Variants in RPGRIP1 observed in about 807,000 individuals in gnomAD.
RPGRIP1 encodes X-linked retinitis pigmentosa GTPase regulator-interacting protein 1.
In RPGRIP1, 128 loss-of-function variants were observed where a neutral mutation model predicts 157.9. The observed-to-expected ratio is 0.81, with a 90% CI of 0.70 to 0.94. The LOEUF (loss-of-function observed/expected upper bound fraction) is 0.94, where lower values mean the gene tolerates loss of function less well. Ranked by LOEUF, RPGRIP1 falls within the 40% of genes least tolerant of loss-of-function variation. RPGRIP1 has a pLI of 0.00. For missense variants in RPGRIP1, 1,486 were observed against 1,545.8 expected (o/e 0.96, Z 0.65); for synonymous variants, 554 against 571.6 (o/e 0.97, Z 0.44).
At chr14:21,333,014 C>T (rs924561514) in intron 20 of RPGRIP1, among the ~76,000 whole-genome samples, 2 of 152,162 alleles carry the variant, frequency 1.3e-5, no homozygotes, top group Non-Finnish European at 2.9e-5. Context: ...GCAGGAGAAT[C>T]GCTTGAACCT....
intron 10 of RPGRIP1, among the ~76,000 whole-genome samples, chr14:21,315,033 A>T (rs955077831): frequency 2.0e-5 from 3 of 151,638 alleles, no homozygotes; most frequent in African/African-American, 7.3e-5. Context: ...CAAAAAAAAA[A>T]TTTGGCTGGG....
Position 21,345,103 on chromosome 14 carries a change from CT to C in RPGRIP1, c.3533-8del. 6.3e-7 allele frequency: 1 copy of C among 1,598,452 alleles called. No individual in the cohort carries two copies. The highest frequency in any genetic ancestry group is 8.6e-7 in the Non-Finnish European group (1 of 1,165,718). ...TGATTCTTTGCTTTTTTCTCTTACC[CT>C]TAATACAGTAATAGACCTGGACCCA... On this transcript the variant is annotated splice_polypyrimidine_tract_variant and intron_variant, in intron 22 of 24. Coordinates refer to ENST00000400017, the MANE Select transcript of RPGRIP1 (RefSeq NM_020366.4).
chr14:21,340,809 C>T lies in RPGRIP1; in HGVS notation c.3340-2227C>T, dbSNP rs182098276. ...AACAAGTTTCAAGAAACCAGGCTTA[C>T]TATTAACATTTGCCATGCATTCTCC... On this transcript the variant is annotated intron_variant, in intron 21 of 24. Transcript: ENST00000400017. Among the ~76,000 whole-genome samples, 3 of 152,282 alleles carry T rather than the reference C, an allele frequency of 2.0e-5. No homozygotes were observed. The East Asian group carries it at 5.8e-4, about 29-fold the overall frequency.
intron 3 of RPGRIP1, among the ~76,000 whole-genome samples, chr14:21,295,825 C>G (rs938014443): frequency 6.6e-6 from 1 of 152,110 alleles, no homozygotes; most frequent in African/African-American, 2.4e-5. Flanking sequence ...GGCTGGAGTG[C>G]AGTGGTGTGA....
intron 21 of RPGRIP1, among the ~76,000 whole-genome samples, chr14:21,335,279 C>T (rs1566357004): frequency 6.6e-6 from 1 of 152,220 alleles, no homozygotes; most frequent in South Asian, 2.1e-4. Flanking sequence ...TCCTTTGCCT[C>T]TTACTCCCAT....
At chr14:21,295,478 A>ATTT (rs11342361) in intron 3 of RPGRIP1, among the ~76,000 whole-genome samples, 4 of 116,516 alleles carry the variant, frequency 3.4e-5, no homozygotes, top group Admixed American at 9.0e-5. Context: ...TATTTTTGAG[A>ATTT]TTTTTTTTTT....
intron 2 of RPGRIP1, among the ~76,000 whole-genome samples, chr14:21,292,337 T>C (rs1447385969): frequency 6.6e-6 from 1 of 151,946 alleles, no homozygotes; most frequent in Non-Finnish European, 1.5e-5. Flanking sequence ...TTTTTCATTC[T>C]AAGCACCTCA....
chr14:21,302,458 C>T (rs1046884011), intron 4 of RPGRIP1, 30 bp from the exon 5 acceptor site: 22 of 1,342,790 alleles, frequency 1.6e-5, no homozygotes, highest in Non-Finnish European at 2.1e-5. Context: ...TACTGTTGCC[C>T]GAGTCTGCAT....
At chr14:21,323,059 A>T (rs1300624434) in intron 14 of RPGRIP1, among the ~76,000 whole-genome samples, 1 of 152,192 alleles carries the variant, frequency 6.6e-6, no homozygotes, top group Non-Finnish European at 1.5e-5. Flanking sequence ...ACTTGGAACC[A>T]CAGTTCAGGG....
chr14:21,330,491 A>AC lies in RPGRIP1; in HGVS notation c.3238+107dup, dbSNP rs1289513680. On this transcript the variant is annotated intron_variant, in intron 20 of 24. Coordinates refer to ENST00000400017, the MANE Select transcript of RPGRIP1 (RefSeq NM_020366.4). ...AGAGCAGCCTGGCCAACATGATGAA[A>AC]CCCGTCTCTACTAAAAATACAAAAA... 12 of 763,428 alleles carry AC rather than the reference A, an allele frequency of 1.6e-5. No homozygotes were observed. In the Admixed American group the frequency reaches 3.6e-4, roughly 23 times the overall value. The allele number at this position is 763,428 out of a possible 1,614,324, so 47.3% of individuals were successfully genotyped here.
At chr14:21,280,266 CAG>C (rs111981622) in intron 1 of RPGRIP1, among the ~76,000 whole-genome samples, 107 bp downstream of exon 1, 2,399 of 108,582 alleles carry the variant, frequency 0.022, 52 homozygotes, top group Middle Eastern at 0.091. Context: ...TTTTTTGAGA[CAG>C]AGTCTTACTC....
intron 2 of RPGRIP1, among the ~76,000 whole-genome samples, chr14:21,288,975 G>T (rs1175763918): frequency 2.0e-5 from 3 of 152,162 alleles, no homozygotes; most frequent in Admixed American, 1.3e-4. Flanking sequence ...CTAAGCAGAA[G>T]TGTTCAATTT....
At chr14:21,283,869 G>C (rs1312271154) in intron 1 of RPGRIP1, among the ~76,000 whole-genome samples, 2 of 152,078 alleles carry the variant, frequency 1.3e-5, no homozygotes, top group African/African-American at 4.8e-5. Flanking sequence ...GGCCGCAGGT[G>C]ATCCATCCGC....
At chr14:21,347,901 T>G (rs1261365157) in intron 23 of RPGRIP1, among the ~76,000 whole-genome samples, 2 of 151,976 alleles carry the variant, frequency 1.3e-5, no homozygotes, top group Non-Finnish European at 2.9e-5. Flanking sequence ...AATTTTTTAT[T>G]TTTTTTGTAG....
chr14:21,325,410 C>T (rs1211417130), intron 16 of RPGRIP1, 27 bp downstream of exon 16: 1 of 1,551,820 alleles, frequency 6.4e-7, no homozygotes, highest in Non-Finnish European at 8.7e-7. Context: ...GCCGAGGCAT[C>T]TCAGAGGAGC....
intron 22 of RPGRIP1, 107 bp downstream of exon 22, chr14:21,343,335 T>A: frequency 3.7e-6 from 3 of 821,760 alleles, no homozygotes; most frequent in Non-Finnish European, 3.8e-6. Context: ...CATTTCACTT[T>A]ATTATTTTAT....
At chr14:21,319,413 T>A (rs1449420803) in intron 11 of RPGRIP1, among the ~76,000 whole-genome samples, 3 of 151,900 alleles carry the variant, frequency 2.0e-5, no homozygotes, top group Non-Finnish European at 4.4e-5. Flanking sequence ...AACACGAAAA[T>A]TAGCCAGTCG....
intron 2 of RPGRIP1, 129 bp from the exon 3 acceptor site, chr14:21,294,548 C>T (rs966656853): frequency 1.1e-6 from 1 of 928,420 alleles, no homozygotes; most frequent in Admixed American, 2.7e-5. Flanking sequence ...TCTCATACTT[C>T]CTGATTTCCT....
intron 12 of RPGRIP1, among the ~76,000 whole-genome samples, chr14:21,320,595 CTTTTTTT>C (rs34911429): frequency 0.013 from 1,278 of 95,170 alleles, 18 homozygotes; most frequent in Admixed American, 0.028. Flanking sequence ...CCGGCCCACT[CTTTTTTT>C]TTTTTTTTTT....
Sources: gnomAD v4.1 joint callset for allele counts (sites outside exome capture counted in the v4.1 genomes callset) on GRCh38, gnomAD v4.1.1 for gene constraint, MANE v1.5 for transcripts, NCBI Gene and HGNC (gene_info 2026-07-23, HGNC 2026-07-21) for gene names.